PODNL1: variants seen among roughly 807,000 people sequenced by gnomAD.
PODNL1 encodes the protein podocan-like protein 1.
PODNL1 carries 50 observed loss-of-function variants against 45.1 expected under a neutral mutation model. That is an observed-to-expected ratio of 1.11 (90% CI 0.88 to 1.40). The LOEUF (loss-of-function observed/expected upper bound fraction) is 1.40. PODNL1 is among the 40% of genes most tolerant of loss of function. The pLI is 0.00. For synonymous variants in PODNL1, 406 were observed against 372.5 expected (o/e 1.09, Z -1.04); for missense variants, 788 against 793.3 (o/e 0.99, Z 0.08).
Position 13,938,300 on chromosome 19 carries a change from A to G in PODNL1, c.-119T>C. Reference sequence around the variant, plus strand: ...ACCACCGCCCCCCATCTCCAGACCCATGCCACCCCCCACAACAGCCTGTTC... The same window carrying G: ...ACCACCGCCCCCCATCTCCAGACCCGTGCCACCCCCCACAACAGCCTGTTC... On this transcript the variant is annotated 5_prime_UTR_variant, in exon 1 of 10. The change abolishes an upstream ATG in the 5' untranslated region. Coordinates refer to ENST00000588872, the MANE Select transcript of PODNL1 (RefSeq NM_001370095.3). 1 of 1,462,544 alleles carries G rather than the reference A, an allele frequency of 6.8e-7. No individual in the cohort carries two copies. The highest frequency in any genetic ancestry group is 9.1e-7 in the Non-Finnish European group (1 of 1,101,764). 90.6% of individuals were successfully genotyped at this position (1,462,544 alleles called of 1,614,324 possible).
chr19:13,950,959 C>T (rs1317762050), intron 1 of PODNL1, among the ~76,000 whole-genome samples: 1 of 147,694 alleles, frequency 6.8e-6, no homozygotes, highest in Non-Finnish European at 1.5e-5. Context: ...GCAGGAGAAT[C>T]GTTTGCTTGA....
At chr19:13,945,181 G>C (rs956178585) in intron 1 of PODNL1, among the ~76,000 whole-genome samples, 1 of 152,080 alleles carries the variant, frequency 6.6e-6, no homozygotes, top group Admixed American at 6.6e-5. Flanking sequence ...CCATGGGCAT[G>C]CACCACTGTG....
chr19:13,945,534 T>G (rs1162351540), intron 1 of PODNL1, among the ~76,000 whole-genome samples: 1 of 151,402 alleles, frequency 6.6e-6, no homozygotes, highest in Non-Finnish European at 1.5e-5. Context: ...CTGCCCAGGC[T>G]GGAGTGCAGT....
chr19:13,937,698 C>T (rs1041039407), intron 2 of PODNL1, 87 bp downstream of exon 2: 35 of 1,269,034 alleles, frequency 2.8e-5, no homozygotes, highest in South Asian at 2.2e-4. Flanking sequence ...TACCCCACCA[C>T]GCTCCTCAGC....
In PODNL1 at chr19:13,933,454, TGC is replaced by T; in HGVS notation, c.768-1_768del. On this transcript the variant is annotated splice_acceptor_variant and coding_sequence_variant, in exon 8 of 10. Coordinates refer to ENST00000588872, the MANE Select transcript of PODNL1 (RefSeq NM_001370095.3). LOFTEE classifies it high-confidence loss of function. The surrounding 1 kb of genome is among the most constrained non-coding windows in gnomAD (Gnocchi z 5.2). ...TCCAGGTATTCAAGGCTATGCAGCT[TGC>T]TGGAAGGAGAGAGGGTCGGTGTTAG... 6.4e-7 allele frequency: 1 copy of T among 1,558,368 alleles called. No individual in the cohort carries two copies. The highest frequency in any genetic ancestry group is 8.7e-7 in the Non-Finnish European group (1 of 1,154,026).
intron 1 of PODNL1, among the ~76,000 whole-genome samples, chr19:13,947,194 A>G (rs867142688): frequency 3.5e-3 from 521 of 148,300 alleles, no homozygotes; most frequent in Non-Finnish European, 6.3e-3. Context: ...AAAAAAAAAA[A>G]AAAAGGCTGG....
At chr19:13,946,285 C>T (rs1379157264) in intron 1 of PODNL1, among the ~76,000 whole-genome samples, 1 of 151,826 alleles carries the variant, frequency 6.6e-6, no homozygotes, top group Non-Finnish European at 1.5e-5. Flanking sequence ...AAAAATTAGC[C>T]AGACGTGGTG....
At chr19:13,953,089 C>G (rs932227783) in intron 1 of PODNL1, 23 of 1,550,560 alleles carry the variant, frequency 1.5e-5, no homozygotes, top group Admixed American at 1.4e-4. Context: ...GCCCAAGCCC[C>G]GACCACACAT....
In PODNL1 at chr19:13,934,346, A is replaced by AGCCGC. The variant is rs1972174758; in HGVS notation, c.554_558dup (p.Ser187AlafsTer45). On this transcript the variant is annotated frameshift_variant, in exon 6 of 10. Transcript: ENST00000588872. LOFTEE classifies it high-confidence loss of function. ...AGGCTGAGGGTGGCGATGGCCTCGGAGCCGCGGAAGGCGTCGGGGGGCAGG... is the reference window on the plus strand; with the variant it reads ...AGGCTGAGGGTGGCGATGGCCTCGGAGCCGCGCCGCGGAAGGCGTCGGGGGGCAGG... 1 of 1,556,370 alleles carries AGCCGC rather than the reference A, an allele frequency of 6.4e-7. No homozygotes were observed. The highest frequency in any genetic ancestry group is 2.3e-5 in the East Asian group (1 of 43,490).
chr19:13,932,960 G>C lies in PODNL1; in HGVS notation c.1263C>G (p.Pro421=), dbSNP rs1471073456. ...NQLTRLPMGL[P]TGLRTLQLQR... ...GCAGCTGCAGGGTGCGCAGGCCAGTGGGCAGGCCCATGGGCAGCCGGGTTA... is the reference window on the plus strand; with the variant it reads ...GCAGCTGCAGGGTGCGCAGGCCAGTCGGCAGGCCCATGGGCAGCCGGGTTA... The change falls in exon 8 of 10, where the codon CCC becomes CCG. Residue 421 remains proline, a synonymous_variant. Coordinates refer to ENST00000588872, the MANE Select transcript of PODNL1 (RefSeq NM_001370095.3). The C allele has an allele frequency of 6.4e-7, 1 of 1,559,100 alleles. No individual in the cohort carries two copies. The highest frequency in any genetic ancestry group is 8.6e-7 in the Non-Finnish European group (1 of 1,157,502).
chr19:13,936,076 C>T (rs1319256285), intron 3 of PODNL1, 32 bp from the exon 4 acceptor site: 9 of 1,534,738 alleles, frequency 5.9e-6, no homozygotes, highest in African/African-American at 2.8e-5. Context: ...GAAGGGACCC[C>T]AGGCCTGTCT....
chr19:13,938,207 C>T lies in PODNL1; in HGVS notation c.-26G>A. On this transcript the variant is annotated 5_prime_UTR_variant, in exon 1 of 10. Transcript: ENST00000588872. Reference sequence around the variant, plus strand: ...GGCCAGCCCTGACTCTGCCATCTCGCCCAAGCTGCTGACCAGGACTTCCTA... The same window carrying T: ...GGCCAGCCCTGACTCTGCCATCTCGTCCAAGCTGCTGACCAGGACTTCCTA... 6.2e-7 allele frequency: 1 copy of T among 1,607,828 alleles called. No homozygotes were observed. Among genetic ancestry groups the T allele is most frequent in the Non-Finnish European group, 8.5e-7 (1 of 1,177,536 alleles).
Position 13,933,051 on chromosome 19 carries a change from CG to C in PODNL1, c.1171del (p.Arg391ValfsTer23), listed in dbSNP as rs1972070720. ...CCGGCGGAAGGCCCGGTGGTGCACA[CG>C]GGCGCTGGCCAGGCGGTTATAGGCC... is the stretch of plus-strand genomic sequence containing the variant. ...NLAYNRLASA[R>X]VHHRAFRRLR... On this transcript the variant is annotated frameshift_variant, in exon 8 of 10. Transcript: ENST00000588872. LOFTEE classifies it high-confidence loss of function. The surrounding 1 kb of genome is among the most constrained non-coding windows in gnomAD (Gnocchi z 5.2). 2 of 1,536,324 alleles carry C rather than the reference CG, an allele frequency of 1.3e-6. No homozygotes were observed. Among genetic ancestry groups the C allele is most frequent in the Non-Finnish European group, 1.7e-6 (2 of 1,146,566 alleles).
upstream of PODNL1, among the ~76,000 whole-genome samples, chr19:13,942,210 G>A (rs1024174714): frequency 6.6e-6 from 1 of 152,176 alleles, no homozygotes; most frequent in African/African-American, 2.4e-5. Context: ...CTCATGAACA[G>A]AAAACCTGTA....
intron 1 of PODNL1, among the ~76,000 whole-genome samples, chr19:13,944,486 G>A (rs1719420727): frequency 7.0e-6 from 1 of 142,558 alleles, no homozygotes; most frequent in Non-Finnish European, 1.5e-5. Flanking sequence ...TTGAGACAAA[G>A]TCTCTCTGTT....
In PODNL1 at chr19:13,934,345, G is replaced by C. The variant is rs1198741006; in HGVS notation, c.560C>G (p.Ser187Cys). ...AGLPPDAFRG[S>C]EAIATLSLSN... is the part of the protein sequence containing the mutation. ...GAGGCTGAGGGTGGCGATGGCCTCG[G>C]AGCCGCGGAAGGCGTCGGGGGGCAG... The change falls in exon 6 of 10, where the codon TCC (serine) becomes TGC (cysteine). Residue 187 changes from serine to cysteine, a missense_variant. Coordinates refer to ENST00000588872, the MANE Select transcript of PODNL1 (RefSeq NM_001370095.3). 1 of 1,557,608 alleles carries C rather than the reference G, an allele frequency of 6.4e-7. No homozygotes were observed. Among genetic ancestry groups the C allele is most frequent in the South Asian group, 1.2e-5 (1 of 81,714 alleles).
At position 13,931,844 on chromosome 19, in the gene PODNL1, G is replaced by A; in HGVS notation, c.1618C>T (p.Leu540=). 8.1e-7 allele frequency: 1 copy of A among 1,231,982 alleles called. No homozygotes were observed. The allele number at this position is 1,231,982 out of a possible 1,614,324, so 76.3% of individuals were successfully genotyped here. A position where few individuals can be genotyped will look rare whatever the true frequency, so the allele number is the denominator to read the frequency against. ...HMTSIAAEAF[L]GLPNLRVVDT... is the part of the protein sequence containing the mutation. ...ACCACACGCAGGTTTGGGAGCCCCA[G>A]GAAGGCCTCAGCCGCGATGCTCGTC... Residue 540 remains leucine, a synonymous_variant, in exon 10 of 10, where the codon CTG becomes TTG. Coordinates refer to ENST00000588872, the MANE Select transcript of PODNL1 (RefSeq NM_001370095.3).
At chr19:13,934,130 G>T in intron 6 of PODNL1, 124 bp downstream of exon 6, 1 of 1,365,748 alleles carries the variant, frequency 7.3e-7, no homozygotes, top group Non-Finnish European at 1.0e-6. Context: ...TTCAAAGAAG[G>T]ATAACTCTGA....
At chr19:13,953,185 TGA>T in exon 1 of PODNL1, 2 of 1,495,172 alleles carry the variant, frequency 1.3e-6, no homozygotes, top group Non-Finnish European at 1.8e-6. Context: ...CCCCGCAGAG[TGA>T]GAGTTACCGA....
Sources: gnomAD v4.1 joint callset for allele counts (sites outside exome capture counted in the v4.1 genomes callset) on GRCh38, gnomAD v4.1.1 for gene constraint, Gnocchi (gnomAD v3.1) non-coding constraint, MANE v1.5 for transcripts, NCBI Gene and HGNC (gene_info 2026-07-23, HGNC 2026-07-21) for gene names.